Variants in STIM2 observed in about 807,000 individuals in gnomAD.
The protein encoded by STIM2 is stromal interaction molecule 2.
A neutral mutation model predicts 85.8 loss-of-function variants in STIM2; 31 were observed. The observed-to-expected ratio is 0.36, with a 90% CI of 0.27 to 0.49. The LOEUF (loss-of-function observed/expected upper bound fraction) is 0.49, where lower values mean the gene tolerates loss of function less well. Among genes scored for constraint, STIM2 ranks in the 20% least tolerant of loss-of-function variants. STIM2 has a pLI of 0.98. For missense variants in STIM2, 841 were observed against 927.6 expected (o/e 0.91, Z 1.21); for synonymous variants, 356 against 331.1 (o/e 1.08, Z -0.82).
intron 3 of STIM2, among the ~76,000 whole-genome samples, chr4:26,980,700 T>C (rs1339696647): frequency 1.3e-5 from 2 of 152,212 alleles, no homozygotes; most frequent in Admixed American, 1.3e-4. Flanking sequence ...ATGTAATCAC[T>C]GTGTTTCTAA....
intron 3 of STIM2, among the ~76,000 whole-genome samples, chr4:26,978,264 T>A (rs1300261328): frequency 6.8e-6 from 1 of 148,028 alleles, no homozygotes; most frequent in Admixed American, 6.8e-5. Flanking sequence ...ACATATATAT[T>A]TAAATCATAT....
rs1302827406 is a variant in STIM2 at position 26,860,851 on chromosome 4, A to C, written c.-368A>C. ...GTGTTTGGCGGCGCCAGAGCAGCGG[A>C]TCCCGGTCTCGCCGCAGCAGCAGCG... On this transcript the variant is annotated 5_prime_UTR_variant, in exon 1 of 12. Transcript: ENST00000467087. 1.4e-6 allele frequency: 1 copy of C among 735,150 alleles called. No individual in the cohort carries two copies. The highest frequency in any genetic ancestry group is 1.7e-6 in the Non-Finnish European group (1 of 599,868). 45.5% of individuals were successfully genotyped at this position (735,150 alleles called of 1,614,324 possible).
chr4:26,922,430 C>G (rs957356980), intron 2 of STIM2, among the ~76,000 whole-genome samples: 3 of 152,060 alleles, frequency 2.0e-5, no homozygotes, highest in Non-Finnish European at 4.4e-5. Context: ...AGATTTTAAC[C>G]CAAAAACTGA....
intron 11 of STIM2, chr4:27,021,172 C>A: frequency 9.6e-7 from 1 of 1,037,338 alleles, no homozygotes; most frequent in Non-Finnish European, 1.4e-6. Flanking sequence ...GAAGTACCTA[C>A]CGTAAACTTG....
At chr4:26,995,543 G>T in intron 4 of STIM2, 53 bp downstream of exon 4, 2 of 1,184,890 alleles carry the variant, frequency 1.7e-6, no homozygotes, top group Non-Finnish European at 1.2e-6. Context: ...TTATATGCTA[G>T]ATGTCATTTC....
intron 1 of STIM2, among the ~76,000 whole-genome samples, chr4:26,893,551 T>C (rs1192994994): frequency 6.6e-6 from 1 of 152,226 alleles, no homozygotes; most frequent in Non-Finnish European, 1.5e-5. Flanking sequence ...TTATCCACTT[T>C]TCTTATGAAG....
chr4:26,999,002 AT>A (rs1360866943), intron 4 of STIM2, among the ~76,000 whole-genome samples: 2 of 152,108 alleles, frequency 1.3e-5, no homozygotes, highest in Non-Finnish European at 2.9e-5. Context: ...AACTTTTTCA[AT>A]GTAGCTACTA....
At chr4:26,861,487 A>T (rs1019446758) in intron 1 of STIM2, 118 bp downstream of exon 1, 1 of 1,224,274 alleles carries the variant, frequency 8.2e-7, no homozygotes, top group Non-Finnish European at 1.0e-6. Context: ...CCAGGGCGCG[A>T]TGCGGAGCCC....
At position 26,876,834 on chromosome 4, in the gene STIM2, T is replaced by G. The variant is rs564337395; in HGVS notation, c.151+15465T>G. On this transcript the variant is annotated intron_variant, in intron 1 of 11. Transcript: ENST00000467087. Reference sequence around the variant, plus strand: ...CTGTTTTAGACTATTTGAGTTTATTTTCATGTGGAGATGGTAAATAGAATG... The same window carrying G: ...CTGTTTTAGACTATTTGAGTTTATTGTCATGTGGAGATGGTAAATAGAATG... Among the ~76,000 whole-genome samples the G allele has an allele frequency of 3.9e-5, 6 of 152,298 alleles. No homozygotes were observed. The South Asian group carries it at 1.2e-3, about 32-fold the overall frequency.
intron 1 of STIM2, among the ~76,000 whole-genome samples, chr4:26,902,150 A>C (rs560092752): frequency 2.6e-5 from 4 of 152,264 alleles, no homozygotes; most frequent in African/African-American, 9.6e-5. Flanking sequence ...AAAGGGGAAT[A>C]CAATGTAGCG....
At chr4:27,012,774 G>C (rs867810674) in intron 10 of STIM2, among the ~76,000 whole-genome samples, 1 of 151,952 alleles carries the variant, frequency 6.6e-6, no homozygotes, top group Non-Finnish European at 1.5e-5. Context: ...TCACCAGGAA[G>C]TATTTTTTTT....
At chr4:26,885,619 T>A (rs1723188618) in intron 1 of STIM2, among the ~76,000 whole-genome samples, 1 of 151,846 alleles carries the variant, frequency 6.6e-6, no homozygotes, top group Non-Finnish European at 1.5e-5. Context: ...TTTTAATGTG[T>A]GATATTTGTG....
At chr4:26,981,899 A>T (rs989990664) in intron 3 of STIM2, among the ~76,000 whole-genome samples, 51 of 151,776 alleles carry the variant, frequency 3.4e-4, no homozygotes, top group African/African-American at 1.2e-3. Flanking sequence ...TTGTCATTTG[A>T]TGAATATAGT....
At chr4:26,979,158 C>T (rs1727296509) in intron 3 of STIM2, among the ~76,000 whole-genome samples, 4 of 152,102 alleles carry the variant, frequency 2.6e-5, no homozygotes, top group African/African-American at 7.2e-5. Flanking sequence ...TTACTATTGC[C>T]TGGTACTTTT....
At chr4:26,861,876 A>C (rs984395918) in intron 1 of STIM2, among the ~76,000 whole-genome samples, 4 of 152,022 alleles carry the variant, frequency 2.6e-5, no homozygotes, top group Admixed American at 2.0e-4. Context: ...TGAGAGCCAT[A>C]ATACCTAGTG....
rs2109150454 is a variant in STIM2 at position 27,023,059 on chromosome 4, A to C, written c.*63A>C. On this transcript the variant is annotated 3_prime_UTR_variant, in exon 12 of 12. Transcript: ENST00000467087. ...TGTAAACTATTATCCCCCACCCTCC[A>C]CTCCCCACCTTTTTTTTGGTTTAAT... The C allele has an allele frequency of 6.9e-7, 1 of 1,451,870 alleles. No individual in the cohort carries two copies. The highest frequency in any genetic ancestry group is 9.3e-7 in the Non-Finnish European group (1 of 1,077,668). 89.9% of individuals were successfully genotyped at this position (1,451,870 alleles called of 1,614,324 possible).
Position 26,977,808 on chromosome 4 carries a change from G to A in STIM2, c.398-17571G>A, listed in dbSNP as rs760772107. Reference sequence around the variant, plus strand: ...TTGAAAAATACTGGTTGAGATCATGGCGCAAAGAGGGAAGGACTGAGTGCT... The same window carrying A: ...TTGAAAAATACTGGTTGAGATCATGACGCAAAGAGGGAAGGACTGAGTGCT... On this transcript the variant is annotated intron_variant, in intron 3 of 11. Coordinates refer to ENST00000467087, the MANE Select transcript of STIM2 (RefSeq NM_020860.4). Among the ~76,000 whole-genome samples the A allele has an allele frequency of 5.1e-4, 77 of 152,168 alleles. 1 individual carries two copies. Among genetic ancestry groups the A allele is most frequent in the Admixed American group, 5.9e-4 (9 of 15,280 alleles).
At chr4:26,937,632 C>G (rs937232531) in intron 2 of STIM2, among the ~76,000 whole-genome samples, 2 of 152,012 alleles carry the variant, frequency 1.3e-5, no homozygotes, top group African/African-American at 4.8e-5. Context: ...AATTTATTAT[C>G]CCAACTGGCA....
In STIM2 at chr4:27,024,922, A is replaced by G. The variant is rs764322731; in HGVS notation, c.*1926A>G. ...TGCAGTTGGATGAATAGAGAAGGGA[A>G]AAGTTGCTGGAGCACGGAGTGAAGA... On this transcript the variant is annotated 3_prime_UTR_variant, in exon 12 of 12. Transcript: ENST00000467087. 1.3e-5 allele frequency: 2 copies of G among 152,232 alleles called. No individual in the cohort carries two copies. The highest frequency in any genetic ancestry group is 2.9e-5 in the Non-Finnish European group (2 of 68,056). The allele number at this position is 152,232 out of a possible 1,614,324, so 9.4% of individuals were successfully genotyped here.
Sources: gnomAD v4.1 joint callset for allele counts (sites outside exome capture counted in the v4.1 genomes callset) on GRCh38, gnomAD v4.1.1 for gene constraint, MANE v1.5 for transcripts, NCBI Gene and HGNC (gene_info 2026-07-23, HGNC 2026-07-21) for gene names.